The following CTNNA2 variants were observed in gnomAD, a reference collection of about 807,000 sequenced individuals.
CTNNA2 encodes catenin alpha 2, also known as catenin alpha-2.
Under a neutral mutation model 101.0 loss-of-function variants are expected in CTNNA2, and 42 were observed. The ratio of observed to expected loss-of-function variants is 0.42; its 90% CI spans 0.32 to 0.54. The LOEUF (loss-of-function observed/expected upper bound fraction) is 0.54. CTNNA2 is among the 20% of genes least tolerant of loss of function. The probability of loss-of-function intolerance (pLI) is 0.14; values close to 1 mark genes in which losing one functional copy is unlikely to be tolerated. For synonymous variants in CTNNA2, 450 were observed against 456.4 expected, an observed-to-expected ratio of 0.99 and a Z score of 0.18; for missense variants, 871 against 1,223.1, an observed-to-expected ratio of 0.71 and a Z score of 4.29.
chr2:79,583,014 C>T (rs1676245162), intron 1 of CTNNA2, among the ~76,000 whole-genome samples: 1 of 152,004 alleles, frequency 6.6e-6, no homozygotes. Context: ...TAGCTTCTTT[C>T]ACTGAGCATA....
chr2:80,618,194 T>C (rs1699010168), intron 17 of CTNNA2, among the ~76,000 whole-genome samples: 1 of 151,860 alleles, frequency 6.6e-6, no homozygotes, highest in Non-Finnish European at 1.5e-5. Context: ...AATAAAGCTA[T>C]GACTAGAGCA....
chr2:79,376,912 T>C (rs1677984725), intron 4 of CTNNA2, among the ~76,000 whole-genome samples: 1 of 152,202 alleles, frequency 6.6e-6, no homozygotes, highest in Non-Finnish European at 1.5e-5. Flanking sequence ...TGGTTCCAAG[T>C]CTTTGCTATT....
chr2:80,489,585 TACTTC>T (rs1198201887), intron 9 of CTNNA2, among the ~76,000 whole-genome samples: 1 of 152,206 alleles, frequency 6.6e-6, no homozygotes, highest in East Asian at 1.9e-4. Context: ...TTGAAATTAA[TACTTC>T]ACTTCTTGTT....
intron 17 of CTNNA2, among the ~76,000 whole-genome samples, chr2:80,618,369 T>TTA (rs1699022178): frequency 6.6e-6 from 1 of 151,662 alleles, no homozygotes; most frequent in South Asian, 2.1e-4. Flanking sequence ...AGTTGTATAT[T>TTA]TGATACACGC....
intron 9 of CTNNA2, among the ~76,000 whole-genome samples, chr2:80,434,641 G>GT (rs555114038): frequency 1.5e-3 from 221 of 151,890 alleles, no homozygotes; most frequent in African/African-American, 5.2e-3. Context: ...AATTTGTTGT[G>GT]TTTTTTGTAG....
At chr2:79,952,095 C>T (rs186152284) in intron 7 of CTNNA2, among the ~76,000 whole-genome samples, 2 of 152,294 alleles carry the variant, frequency 1.3e-5, no homozygotes, top group East Asian at 1.9e-4. Flanking sequence ...GTCTCTAAAT[C>T]ACATTCTTAG....
intron 7 of CTNNA2, among the ~76,000 whole-genome samples, chr2:79,912,474 TGAA>T (rs2104337245): frequency 6.6e-6 from 1 of 152,336 alleles, no homozygotes; most frequent in South Asian, 2.1e-4. Flanking sequence ...GTGTGCAACT[TGAA>T]GATGTCAACA....
chr2:80,639,191 GTAATAT>G (rs1673179842), intron 18 of CTNNA2, among the ~76,000 whole-genome samples: 1 of 152,122 alleles, frequency 6.6e-6, no homozygotes. Context: ...AGTATGTGTT[GTAATAT>G]TAACTCTTTT....
At chr2:79,953,697 C>A (rs1016339285) in intron 7 of CTNNA2, among the ~76,000 whole-genome samples, 1 of 152,126 alleles carries the variant, frequency 6.6e-6, no homozygotes, top group East Asian at 1.9e-4. Context: ...CTTAACCTCA[C>A]GTTCTTTATC....
intron 18 of CTNNA2, among the ~76,000 whole-genome samples, chr2:80,619,451 T>A (rs530461340): frequency 4.4e-4 from 67 of 152,026 alleles, no homozygotes; most frequent in African/African-American, 1.5e-3. Flanking sequence ...AAAAGGTATT[T>A]TTATTTCTTT....
intron 1 of CTNNA2, among the ~76,000 whole-genome samples, chr2:79,550,700 G>A (rs932001275): frequency 1.1e-4 from 17 of 151,998 alleles, no homozygotes; most frequent in African/African-American, 3.4e-4. Flanking sequence ...CATGCATTGC[G>A]AGCAGGGTTT....
chr2:79,523,284 A>G lies in CTNNA2; in HGVS notation c.-6+10077A>G, dbSNP rs1188792184. On this transcript the variant is annotated intron_variant, in intron 1 of 18. Coordinates refer to ENST00000402739, the MANE Select transcript of CTNNA2 (RefSeq NM_001282597.3). ...AGATTGATTTTGGGGGCCCCAGGAG[A>G]CTGCTTCAAAGAAATAGAGGTGAAG... is the stretch of plus-strand genomic sequence containing the variant. The G allele has an allele frequency of 1.1e-5, 5 of 448,122 alleles. No homozygotes were observed. In the East Asian group the frequency reaches 3.5e-4, roughly 32 times the overall value. 27.8% of individuals were successfully genotyped at this position (448,122 alleles called of 1,614,324 possible).
chr2:79,958,326 A>G (rs1269901927), intron 7 of CTNNA2, among the ~76,000 whole-genome samples: 1 of 150,626 alleles, frequency 6.6e-6, no homozygotes, highest in Non-Finnish European at 1.5e-5. Flanking sequence ...TGTTACAGAA[A>G]TCTTCCATGG....
chr2:80,286,300 C>T (rs1474218379), intron 7 of CTNNA2, among the ~76,000 whole-genome samples: 2 of 151,998 alleles, frequency 1.3e-5, no homozygotes, highest in Non-Finnish European at 2.9e-5. Context: ...TCTTCTTTTC[C>T]CCCCGCCCCA....
At chr2:79,261,529 G>A (rs1674921482) in intron 2 of CTNNA2, among the ~76,000 whole-genome samples, 1 of 152,154 alleles carries the variant, frequency 6.6e-6, no homozygotes, top group African/African-American at 2.4e-5. Context: ...CAAGATCAAG[G>A]TGCCAGGAGG....
intron 7 of CTNNA2, among the ~76,000 whole-genome samples, chr2:80,025,860 C>G (rs917219068): frequency 2.6e-5 from 4 of 152,200 alleles, no homozygotes; most frequent in Non-Finnish European, 5.9e-5. Flanking sequence ...GTGCTATGAG[C>G]TGTGAGTTTC....
intron 2 of CTNNA2, among the ~76,000 whole-genome samples, chr2:79,285,151 T>G (rs556035877): frequency 6.6e-6 from 1 of 152,182 alleles, no homozygotes; most frequent in East Asian, 1.9e-4. Flanking sequence ...TCTTTTTTTC[T>G]TTATTAGTCT....
chr2:79,353,809 C>A (rs6745823), intron 3 of CTNNA2, among the ~76,000 whole-genome samples: 43,577 of 151,942 alleles, frequency 0.29, 6,467 homozygotes, highest in Middle Eastern at 0.44. Flanking sequence ...AGATATCATT[C>A]TTTTGTTTTC....
intron 1 of CTNNA2, among the ~76,000 whole-genome samples, chr2:79,187,930 A>T (rs1290488292): frequency 2.0e-5 from 3 of 152,326 alleles, no homozygotes; most frequent in Middle Eastern, 3.4e-3. Context: ...TAATAAACAC[A>T]TATGAAAACT....
Sources: gnomAD v4.1 joint callset for allele counts (sites outside exome capture counted in the v4.1 genomes callset) on GRCh38, gnomAD v4.1.1 for gene constraint, MANE v1.5 for transcripts, NCBI Gene and HGNC (gene_info 2026-07-23, HGNC 2026-07-21) for gene names.